Variants in IMMT observed in about 807,000 individuals in gnomAD.
IMMT encodes the protein MICOS complex subunit MIC60.
In IMMT, 40 loss-of-function variants were observed where a neutral mutation model predicts 92.7. The observed-to-expected ratio is 0.43, with a 90% CI of 0.34 to 0.56. The LOEUF (loss-of-function observed/expected upper bound fraction) is 0.56. IMMT is among the 20% of genes least tolerant of loss of function. IMMT has a pLI of 0.03. For missense variants in IMMT, 831 were observed against 912.1 expected (o/e 0.91, Z 1.14); for synonymous variants, 322 against 336.1 (o/e 0.96, Z 0.46).
In IMMT at chr2:86,151,334, T is replaced by A. The variant is rs1675456386; in HGVS notation, c.1364A>T (p.His455Leu). Residue 455 changes from histidine (H) to leucine (L), a missense_variant, in exon 12 of 15, where the codon CAT becomes CTT. Coordinates refer to ENST00000410111, the MANE Select transcript of IMMT (RefSeq NM_006839.3). ...FDSAVAKALE[H>L]HRSEIQAEQD... ...TTCAGCCTGTATTTCACTTCTGTGA[T>A]GTTCTAATGCTTTTGCTACTGCAGA... is the stretch of plus-strand genomic sequence containing the variant. 1.2e-6 allele frequency: 2 copies of A among 1,613,862 alleles called. No homozygotes were observed. Among genetic ancestry groups the A allele is most frequent in the Non-Finnish European group, 1.7e-6 (2 of 1,179,890 alleles).
intron 1 of IMMT, among the ~76,000 whole-genome samples, chr2:86,193,401 C>A: frequency 1.2e-5 from 1 of 85,582 alleles, no homozygotes; most frequent in African/African-American, 3.4e-5. Context: ...AGTGAGACTC[C>A]GTATCCAAAA....
intron 1 of IMMT, among the ~76,000 whole-genome samples, chr2:86,187,861 G>A (rs13011498): frequency 0.46 from 69,071 of 150,148 alleles, 16,417 homozygotes; most frequent in Non-Finnish European, 0.51. Flanking sequence ...GCGGTGAGCC[G>A]AGATCGCGCC....
chr2:86,159,805 A>T, intron 8 of IMMT, 134 bp from the exon 9 acceptor site: 1 of 625,530 alleles, frequency 1.6e-6, no homozygotes. Flanking sequence ...CTGTAATCCC[A>T]GCACTTTGGA....
chr2:86,173,701 G>T lies in IMMT; in HGVS notation c.370C>A (p.Pro124Thr). ...TTTTGTTTTTGGAGTTGTGAGGCAG[G>T]CTGTTTAGATTCTTTCATTACTTCT... Reference protein sequence around the residue: ...VSEVMKESKQPASQLQKQKGD... With the variant: ...VSEVMKESKQTASQLQKQKGD... The change falls in exon 4 of 15, where the codon CCT becomes ACT. Residue 124 changes from proline (P) to threonine (T), a missense_variant. Pro to Thr is a conservative substitution (Grantham distance 38). Coordinates refer to ENST00000410111, the MANE Select transcript of IMMT (RefSeq NM_006839.3). 6.2e-7 allele frequency: 1 copy of T among 1,605,840 alleles called. No homozygotes were observed. Among genetic ancestry groups the T allele is most frequent in the Non-Finnish European group, 8.5e-7 (1 of 1,173,080 alleles).
intron 1 of IMMT, 61 bp downstream of exon 1, chr2:86,195,277 G>GT: frequency 6.9e-7 from 1 of 1,452,352 alleles, no homozygotes; most frequent in East Asian, 2.7e-5. Flanking sequence ...AGGCTCCCCC[G>GT]TTTTTCGCTG....
intron 1 of IMMT, among the ~76,000 whole-genome samples, chr2:86,194,610 A>G (rs1373007754): frequency 1.3e-5 from 2 of 152,188 alleles, no homozygotes; most frequent in African/African-American, 2.4e-5. Context: ...TTAATTTTCA[A>G]TTTTAGAAAG....
At chr2:86,172,068 C>G (rs1677134226) in intron 4 of IMMT, among the ~76,000 whole-genome samples, 1 of 150,006 alleles carries the variant, frequency 6.7e-6, no homozygotes, top group Non-Finnish European at 1.5e-5. Flanking sequence ...CAGGAACAAG[C>G]AATACTCCCA....
In IMMT at chr2:86,148,194, A is replaced by G. The variant is rs146402113; in HGVS notation, c.1402-361T>C. Among the ~76,000 whole-genome samples the G allele has an allele frequency of 4.7e-3, 716 of 152,328 alleles. 5 individuals are homozygous for G. Among genetic ancestry groups the G allele is most frequent in the Non-Finnish European group, 3.4e-3 (231 of 68,042 alleles). On this transcript the variant is annotated intron_variant, in intron 12 of 14. Coordinates refer to ENST00000410111, the MANE Select transcript of IMMT (RefSeq NM_006839.3). The stretch of plus-strand genomic sequence containing the variant: ...CCAGGATATGAAAAAAAGTAACTAT[A>G]TACTTGGAATCAAGCGTAGCTTTAC...
At chr2:86,178,134 T>C (rs937332662) in intron 3 of IMMT, among the ~76,000 whole-genome samples, 1 of 149,814 alleles carries the variant, frequency 6.7e-6, no homozygotes, top group Non-Finnish European at 1.5e-5. Context: ...GCTAACACAG[T>C]GAAACCCCGT....
chr2:86,153,669 G>A lies in IMMT; in HGVS notation c.1163-95C>T. ...GAAATATCTAAAAGGAAACAAGAAG[G>A]AATCGGAGACTAGTACCAGGAAAAG... On this transcript the variant is annotated intron_variant, in intron 10 of 14. Transcript: ENST00000410111. 6.9e-6 allele frequency: 5 copies of A among 728,034 alleles called. No homozygotes were observed. The South Asian group carries it at 8.9e-5, about 13-fold the overall frequency. The allele number at this position is 728,034 out of a possible 1,614,324, so 45.1% of individuals were successfully genotyped here.
chr2:86,151,114 C>T (rs190948155), intron 12 of IMMT, among the ~76,000 whole-genome samples, 183 bp downstream of exon 12: 12 of 152,190 alleles, frequency 7.9e-5, no homozygotes, highest in African/African-American at 2.2e-4. Context: ...ACGGGGGTTT[C>T]GCCATATTGG....
chr2:86,161,017 G>C (rs1676230886), intron 8 of IMMT, among the ~76,000 whole-genome samples: 1 of 151,596 alleles, frequency 6.6e-6, no homozygotes, highest in Non-Finnish European at 1.5e-5. Context: ...AGGATGGCTT[G>C]AGCCCGGGAG....
At chr2:86,149,654 GA>G (rs555288472) in intron 12 of IMMT, among the ~76,000 whole-genome samples, 188 of 152,242 alleles carry the variant, frequency 1.2e-3, no homozygotes, top group African/African-American at 4.3e-3. Flanking sequence ...AAGGCAGGTG[GA>G]TCACTTGAGG....
chr2:86,172,974 C>T (rs1677199607), intron 4 of IMMT, among the ~76,000 whole-genome samples: 1 of 152,172 alleles, frequency 6.6e-6, no homozygotes, highest in South Asian at 2.1e-4. Context: ...TCTCCGCACC[C>T]AATCAAGAAA....
Position 86,171,351 on chromosome 2 carries a change from AAT to A in IMMT, c.422-8_422-7del, listed in dbSNP as rs1240896992. On this transcript the variant is annotated splice_region_variant and splice_polypyrimidine_tract_variant and intron_variant, in intron 4 of 14. Coordinates refer to ENST00000410111, the MANE Select transcript of IMMT (RefSeq NM_006839.3). ...TTGAGCCGCTTCTGTAGGTGCTATA[AAT>A]ATATGTTACTCATGGTATTTATACT... The A allele has an allele frequency of 1.4e-5, 22 of 1,608,220 alleles. No homozygotes were observed. Among genetic ancestry groups the A allele is most frequent in the African/African-American group, 4.0e-5 (3 of 74,844 alleles).
Position 86,170,903 on chromosome 2 carries a change from CAG to C in IMMT, c.560-61_560-60del. 4.7e-6 allele frequency: 6 copies of C among 1,280,486 alleles called. No homozygotes were observed. In the South Asian group the frequency reaches 6.4e-5, roughly 14 times the overall value. 79.3% of individuals were successfully genotyped at this position (1,280,486 alleles called of 1,614,324 possible). The stretch of plus-strand genomic sequence containing the variant: ...TTCAGCATAGAATTTTAATAGCTAA[CAG>C]GGATATAAAAAAAGCATCGTTTGTA... On this transcript the variant is annotated intron_variant, in intron 5 of 14. Coordinates refer to ENST00000410111, the MANE Select transcript of IMMT (RefSeq NM_006839.3).
chr2:86,155,298 C>A (rs1326799039), intron 10 of IMMT, among the ~76,000 whole-genome samples: 2 of 152,120 alleles, frequency 1.3e-5, no homozygotes, highest in African/African-American at 2.4e-5. Flanking sequence ...AAAATTTCCT[C>A]CTTATTATGG....
At chr2:86,162,396 A>C (rs1225411942) in intron 7 of IMMT, among the ~76,000 whole-genome samples, 2 of 148,548 alleles carry the variant, frequency 1.3e-5, no homozygotes, top group Non-Finnish European at 3.0e-5. Flanking sequence ...ATCAGAGTTT[A>C]AGGATAAATA....
intron 8 of IMMT, chr2:86,160,184 G>A (rs1676170665): frequency 6.6e-6 from 1 of 152,336 alleles, no homozygotes; most frequent in Non-Finnish European, 1.5e-5. Flanking sequence ...TATATGGAGT[G>A]ACCCAGACCT....
Sources: allele counts gnomAD v4.1 joint callset (sites outside exome capture counted in the v4.1 genomes callset), GRCh38; gene constraint gnomAD v4.1.1; transcripts MANE v1.5; gene names NCBI Gene and HGNC (gene_info 2026-07-23, HGNC 2026-07-21).